Variants in RASGRF2 observed in about 807,000 individuals in gnomAD.
The protein encoded by RASGRF2 is Ras protein specific guanine nucleotide releasing factor 2, also known as ras-specific guanine nucleotide-releasing factor 2.
RASGRF2 carries 76 observed loss-of-function variants against 151.0 expected under a neutral mutation model. That is an observed-to-expected ratio of 0.50 (90% CI 0.42 to 0.61). The LOEUF (loss-of-function observed/expected upper bound fraction) is 0.61. RASGRF2 is among the 20% of genes least tolerant of loss of function. The pLI is 0.00. For missense variants in RASGRF2, 1,148 were observed against 1,564.6 expected, an observed-to-expected ratio of 0.73 and a Z score of 4.49; for synonymous variants, 504 against 566.5, an observed-to-expected ratio of 0.89 and a Z score of 1.57.
At chr5:81,208,667 T>A (rs1365904444) in intron 22 of RASGRF2, among the ~76,000 whole-genome samples, 5 of 132,254 alleles carry the variant, frequency 3.8e-5, no homozygotes, top group Non-Finnish European at 6.7e-5. Flanking sequence ...TTCCCCTGCC[T>A]CAGCCTCCCG....
intron 12 of RASGRF2, among the ~76,000 whole-genome samples, chr5:81,099,497 T>G (rs1752637188): frequency 6.6e-6 from 1 of 152,168 alleles, no homozygotes; most frequent in Admixed American, 6.5e-5. Context: ...ATAGTTAGAG[T>G]ATAAGGCTGG....
chr5:81,179,486 A>G (rs890973145), intron 17 of RASGRF2, among the ~76,000 whole-genome samples: 1 of 152,084 alleles, frequency 6.6e-6, no homozygotes, highest in African/African-American at 2.4e-5. Flanking sequence ...GGTTTTTGTA[A>G]ATTTCCTTTT....
chr5:81,102,927 T>C (rs1161168386), intron 12 of RASGRF2, among the ~76,000 whole-genome samples: 1 of 152,174 alleles, frequency 6.6e-6, no homozygotes, highest in Non-Finnish European at 1.5e-5. Context: ...GAGTAAATTA[T>C]GTATCATGAG....
At chr5:81,219,908 C>T in intron 26 of RASGRF2, 130 bp downstream of exon 26, 1 of 501,666 alleles carries the variant, frequency 2.0e-6, no homozygotes, top group Non-Finnish European at 3.4e-6. Flanking sequence ...AATAGAAAAT[C>T]TTTGGCTAGT....
intron 25 of RASGRF2, among the ~76,000 whole-genome samples, chr5:81,218,356 T>C (rs1755789192): frequency 2.0e-5 from 3 of 152,216 alleles, no homozygotes; most frequent in Admixed American, 6.5e-5. Context: ...CTTTAATCTA[T>C]CTTGAGTTGA....
At chr5:81,158,400 A>T (rs1292391538) in intron 17 of RASGRF2, among the ~76,000 whole-genome samples, 2 of 152,154 alleles carry the variant, frequency 1.3e-5, no homozygotes, top group Non-Finnish European at 1.5e-5. Flanking sequence ...TTGGGCAAAA[A>T]TTTTTTACAT....
chr5:80,966,238 C>G (rs576686690), intron 1 of RASGRF2, among the ~76,000 whole-genome samples: 4 of 152,074 alleles, frequency 2.6e-5, no homozygotes, highest in African/African-American at 9.6e-5. Flanking sequence ...ATTTCAAGAC[C>G]TGAGTTATAA....
chr5:81,177,090 T>C (rs1296862247), intron 17 of RASGRF2, among the ~76,000 whole-genome samples: 1 of 152,160 alleles, frequency 6.6e-6, no homozygotes, highest in Non-Finnish European at 1.5e-5. Context: ...ATGCTACTGA[T>C]AGCCTTCCCT....
At chr5:81,197,462 CAAAAAAAA>C (rs10674027) in intron 18 of RASGRF2, among the ~76,000 whole-genome samples, 26 of 63,728 alleles carry the variant, frequency 4.1e-4, no homozygotes, top group Middle Eastern at 0.021. Context: ...GACTCCGTCT[CAAAAAAAA>C]AAAAAAAAAA....
chr5:81,109,884 A>G (rs537105644), intron 13 of RASGRF2, among the ~76,000 whole-genome samples: 1 of 152,368 alleles, frequency 6.6e-6, no homozygotes, highest in South Asian at 2.1e-4. Context: ...AGAAACCTGT[A>G]TCTTGGACTG....
chr5:80,976,712 T>C lies in RASGRF2; in HGVS notation c.288+15686T>C, dbSNP rs554465860. Among the ~76,000 whole-genome samples the C allele has an allele frequency of 8.0e-4, 122 of 152,302 alleles. 1 individual carries two copies. Among genetic ancestry groups the C allele is most frequent in the African/African-American group, 2.8e-3 (116 of 41,574 alleles). On this transcript the variant is annotated intron_variant, in intron 1 of 26. Transcript: ENST00000265080. ...CCCAGCTCCACAAGGTGCCTGGCAC[T>C]GAGGATGTAGAAAACACAGCTCTTT...
At chr5:81,157,366 A>G (rs1754286078) in intron 17 of RASGRF2, among the ~76,000 whole-genome samples, 1 of 151,996 alleles carries the variant, frequency 6.6e-6, no homozygotes, top group Non-Finnish European at 1.5e-5. Flanking sequence ...AAAAAAAAAA[A>G]AAAAAGAATC....
At chr5:81,101,782 T>C (rs976179070) in intron 12 of RASGRF2, among the ~76,000 whole-genome samples, 12 of 152,206 alleles carry the variant, frequency 7.9e-5, no homozygotes, top group African/African-American at 2.9e-4. Flanking sequence ...TTGGATTGAA[T>C]GTATATTTTG....
At chr5:80,965,806 C>T (rs1747704027) in intron 1 of RASGRF2, among the ~76,000 whole-genome samples, 1 of 152,112 alleles carries the variant, frequency 6.6e-6, no homozygotes, top group African/African-American at 2.4e-5. Context: ...TTCATTAAAA[C>T]AATTGCTGAT....
chr5:81,102,599 G>A (rs1435719682), intron 12 of RASGRF2, among the ~76,000 whole-genome samples: 1 of 151,826 alleles, frequency 6.6e-6, no homozygotes. Flanking sequence ...GGAGGCTGAG[G>A]CAGGAGAATC....
chr5:80,983,027 T>C (rs1427821936), intron 1 of RASGRF2, among the ~76,000 whole-genome samples: 1 of 152,214 alleles, frequency 6.6e-6, no homozygotes, highest in Non-Finnish European at 1.5e-5. Flanking sequence ...GAATATCCAC[T>C]TGTATGCTTC....
At chr5:81,139,602 C>T (rs541942209) in intron 17 of RASGRF2, among the ~76,000 whole-genome samples, 20 of 151,454 alleles carry the variant, frequency 1.3e-4, no homozygotes, top group South Asian at 8.4e-4. Context: ...TTTATTGCAC[C>T]GACTAGACAA....
chr5:81,152,143 A>C (rs1754151929), intron 17 of RASGRF2, among the ~76,000 whole-genome samples: 2 of 152,132 alleles, frequency 1.3e-5, no homozygotes, highest in African/African-American at 4.8e-5. Flanking sequence ...CTGGGATTAC[A>C]GGTGCGTGCC....
chr5:81,198,231 T>C (rs572581724), intron 18 of RASGRF2, among the ~76,000 whole-genome samples: 1 of 152,260 alleles, frequency 6.6e-6, no homozygotes, highest in East Asian at 1.9e-4. Context: ...GTGAATATAG[T>C]ATACAACAGG....
Sources: gnomAD v4.1 joint callset for allele counts (sites outside exome capture counted in the v4.1 genomes callset) on GRCh38, gnomAD v4.1.1 for gene constraint, MANE v1.5 for transcripts, NCBI Gene and HGNC (gene_info 2026-07-23, HGNC 2026-07-21) for gene names.